The following ADD2 variants were observed in gnomAD, a reference collection of about 807,000 sequenced individuals.
The protein encoded by ADD2 is beta-adducin.
ADD2 carries 23 observed loss-of-function variants against 83.0 expected under a neutral mutation model. The ratio of observed to expected loss-of-function variants is 0.28; its 90% CI spans 0.20 to 0.39. ADD2 has a LOEUF of 0.39. Among genes scored for constraint, ADD2 ranks in the 10% least tolerant of loss-of-function variants. The pLI, the probability that ADD2 is intolerant of heterozygous loss-of-function variation, is 1.00. For missense variants in ADD2, 758 were observed against 944.9 expected, an observed-to-expected ratio of 0.80 and a Z score of 2.59; for synonymous variants, 375 against 375.4, an observed-to-expected ratio of 1.00 and a Z score of 0.01.
At chr2:70,674,632 C>T (rs782476754) in intron 14 of ADD2, 46 bp downstream of exon 14, 11 of 1,587,022 alleles carry the variant, frequency 6.9e-6, no homozygotes, top group African/African-American at 1.4e-5. Flanking sequence ...CTCTCCCCTC[C>T]ACCCTGGGGG....
chr2:70,705,240 A>G (rs1671823025), intron 3 of ADD2, among the ~76,000 whole-genome samples: 1 of 151,904 alleles, frequency 6.6e-6, no homozygotes, highest in Non-Finnish European at 1.5e-5. Context: ...CATCTGCCAT[A>G]TTCCTCCCAG....
At chr2:70,720,835 A>C (rs1672698024) in intron 1 of ADD2, among the ~76,000 whole-genome samples, 2 of 152,176 alleles carry the variant, frequency 1.3e-5, no homozygotes, top group South Asian at 4.1e-4. Flanking sequence ...AGTAAGCAGA[A>C]ATGATGGCAT....
intron 7 of ADD2, 80 bp from the exon 8 acceptor site, chr2:70,691,009 G>C (rs1671003144): frequency 1.3e-6 from 2 of 1,493,870 alleles, no homozygotes; most frequent in Non-Finnish European, 1.8e-6. Flanking sequence ...GCTCTACTCT[G>C]GGGGCCAGTG....
chr2:70,736,054 C>T (rs888884633), intron 1 of ADD2, among the ~76,000 whole-genome samples: 2 of 151,936 alleles, frequency 1.3e-5, no homozygotes, highest in Non-Finnish European at 1.5e-5. Context: ...TCATGCCATT[C>T]CCCCATCAGG....
chr2:70,707,491 T>C (rs1420288608), intron 2 of ADD2, among the ~76,000 whole-genome samples: 1 of 152,268 alleles, frequency 6.6e-6, no homozygotes, highest in Non-Finnish European at 1.5e-5. Flanking sequence ...ATGTTTTCTG[T>C]TGCTATCTTG....
At chr2:70,767,148 C>T (rs1553386195) in intron 1 of ADD2, among the ~76,000 whole-genome samples, 1 of 152,138 alleles carries the variant, frequency 6.6e-6, no homozygotes, top group Non-Finnish European at 1.5e-5. Context: ...AATAAGCAGA[C>T]ACCGACTCCC....
intron 1 of ADD2, among the ~76,000 whole-genome samples, chr2:70,733,157 TTGGCATAG>T (rs1673366882): frequency 6.6e-6 from 1 of 152,226 alleles, no homozygotes; most frequent in Non-Finnish European, 1.5e-5. Context: ...TCTATTAGAT[TTGGCATAG>T]GCTACAATTT....
intron 9 of ADD2, among the ~76,000 whole-genome samples, chr2:70,686,090 G>C (rs998110787): frequency 1.3e-5 from 2 of 152,208 alleles, no homozygotes; most frequent in African/African-American, 4.8e-5. Flanking sequence ...GCCCACAATG[G>C]AAACAGAGCT....
At chr2:70,666,577 T>A (rs1291449493) in intron 15 of ADD2, among the ~76,000 whole-genome samples, 3 of 152,224 alleles carry the variant, frequency 2.0e-5, no homozygotes, top group Admixed American at 1.3e-4. Flanking sequence ...GCCTTCTAGC[T>A]CCGTGAAGAC....
rs1047372931 is a variant in ADD2 at position 70,734,186 on chromosome 2, C to T, written c.-153-21002G>A. On this transcript the variant is annotated intron_variant, in intron 1 of 15. Transcript: ENST00000264436. ...GGTGCACAGGCCAGATGAACAGACA[C>T]ATGGGGGAAAAATGAGTTTATCTAC... Among the ~76,000 whole-genome samples, 3 of 152,248 alleles carry T rather than the reference C, an allele frequency of 2.0e-5. 1 individual carries two copies. Among genetic ancestry groups the T allele is most frequent in the Middle Eastern group, 3.4e-3 (1 of 294 alleles).
intron 1 of ADD2, among the ~76,000 whole-genome samples, chr2:70,759,373 C>T (rs1212354624): frequency 3.3e-5 from 5 of 152,116 alleles, no homozygotes; most frequent in Non-Finnish European, 7.4e-5. Context: ...CAGAATCAAC[C>T]TTGTTTGAAG....
At chr2:70,680,839 T>C (rs1670418066) in intron 10 of ADD2, among the ~76,000 whole-genome samples, 1 of 152,328 alleles carries the variant, frequency 6.6e-6, no homozygotes, top group Admixed American at 6.5e-5. Flanking sequence ...ATTGTCCACC[T>C]TAAACTGAAA....
chr2:70,669,796 A>T (rs1553366790), intron 15 of ADD2, among the ~76,000 whole-genome samples: 1 of 152,172 alleles, frequency 6.6e-6, no homozygotes, highest in East Asian at 1.9e-4. Flanking sequence ...AAGTCCAACA[A>T]CCCTGATGGA....
At chr2:70,719,227 A>G (rs1672614464) in intron 1 of ADD2, among the ~76,000 whole-genome samples, 1 of 152,172 alleles carries the variant, frequency 6.6e-6, no homozygotes, top group African/African-American at 2.4e-5. Context: ...CACCTATGAG[A>G]CTTGCTTCAT....
chr2:70,703,282 A>T (rs1219722519), intron 4 of ADD2, among the ~76,000 whole-genome samples: 2 of 152,228 alleles, frequency 1.3e-5, no homozygotes, highest in East Asian at 3.8e-4. Flanking sequence ...ATGTGAAAAT[A>T]CATTAATATA....
intron 1 of ADD2, among the ~76,000 whole-genome samples, chr2:70,734,568 C>T (rs1269603747): frequency 2.0e-5 from 3 of 152,158 alleles, no homozygotes; most frequent in African/African-American, 7.2e-5. Context: ...AATGTCACTA[C>T]TTCTGAGGAA....
chr2:70,766,027 T>C (rs1553385950), intron 1 of ADD2, among the ~76,000 whole-genome samples: 1 of 152,188 alleles, frequency 6.6e-6, no homozygotes, highest in Admixed American at 6.5e-5. Flanking sequence ...ATAGCTGAGA[T>C]TTGCTAATTC....
chr2:70,689,970 G>A (rs797043853), intron 8 of ADD2, among the ~76,000 whole-genome samples: 15 of 152,222 alleles, frequency 9.9e-5, no homozygotes, highest in African/African-American at 3.6e-4. Context: ...GGCATGAAGT[G>A]AGAGTTCTAG....
intron 1 of ADD2, among the ~76,000 whole-genome samples, chr2:70,744,908 A>G (rs1674101234): frequency 6.6e-6 from 1 of 152,118 alleles, no homozygotes; most frequent in Admixed American, 6.6e-5. Flanking sequence ...AACAAAACAA[A>G]ACACAGGACT....
Sources: allele counts gnomAD v4.1 joint callset (sites outside exome capture counted in the v4.1 genomes callset), GRCh38; gene constraint gnomAD v4.1.1; transcripts MANE v1.5; gene names NCBI Gene and HGNC (gene_info 2026-07-23, HGNC 2026-07-21).